Variants in PTPRK observed in about 807,000 individuals in gnomAD.
The protein encoded by PTPRK is protein tyrosine phosphatase receptor type K.
Under a neutral mutation model 178.0 loss-of-function variants are expected in PTPRK, and 75 were observed. That is an observed-to-expected ratio of 0.42 (90% CI 0.35 to 0.51). PTPRK has a LOEUF of 0.51. Ranked by LOEUF, PTPRK falls within the 20% of genes least tolerant of loss-of-function variation. The probability of loss-of-function intolerance (pLI) is 0.02; values close to 1 mark genes in which losing one functional copy is unlikely to be tolerated. For synonymous variants in PTPRK, 637 were observed against 620.6 expected (o/e 1.03, Z -0.39); for missense variants, 1,441 against 1,797.8 (o/e 0.80, Z 3.59).
intron 13 of PTPRK, among the ~76,000 whole-genome samples, chr6:128,032,511 A>T (rs1775510915): frequency 6.6e-6 from 1 of 152,218 alleles, no homozygotes; most frequent in South Asian, 2.1e-4. Context: ...AATCCAGGAA[A>T]TTTTAAATCA....
At chr6:128,248,086 AAC>A (rs1342213896) in intron 3 of PTPRK, among the ~76,000 whole-genome samples, 2 of 152,214 alleles carry the variant, frequency 1.3e-5, no homozygotes, top group African/African-American at 4.8e-5. Flanking sequence ...AGGCATCTGT[AAC>A]ACACACAAAG....
chr6:128,022,619 G>C lies in PTPRK; in HGVS notation c.2195-13351C>G, dbSNP rs911433525. Reference sequence around the variant, plus strand: ...ACGGAGTAAAGGAAAAATCTTCATTGATTTTGAAGGGATCGCTGAGGCACC... The same window carrying C: ...ACGGAGTAAAGGAAAAATCTTCATTCATTTTGAAGGGATCGCTGAGGCACC... On this transcript the variant is annotated intron_variant, in intron 13 of 29. Transcript: ENST00000368226. Among the ~76,000 whole-genome samples the C allele has an allele frequency of 4.6e-5, 7 of 152,210 alleles. No individual in the cohort carries two copies. In the East Asian group the frequency reaches 1.2e-3, roughly 25 times the overall value.
chr6:128,158,279 A>G (rs1798221354), intron 7 of PTPRK, among the ~76,000 whole-genome samples: 1 of 151,710 alleles, frequency 6.6e-6, no homozygotes, highest in South Asian at 2.1e-4. Context: ...GGCAGGGGGG[A>G]GTGAAGGCAT....
intron 7 of PTPRK, among the ~76,000 whole-genome samples, chr6:128,169,966 T>C (rs1442831086): frequency 6.6e-6 from 1 of 152,080 alleles, no homozygotes; most frequent in Non-Finnish European, 1.5e-5. Flanking sequence ...AAAATAAATG[T>C]TGAAACGTTA....
chr6:128,437,986 T>C (rs1845814084), intron 1 of PTPRK, among the ~76,000 whole-genome samples: 1 of 152,266 alleles, frequency 6.6e-6, no homozygotes, highest in African/African-American at 2.4e-5. Context: ...CAGTCAGCCC[T>C]GAAGAACCTG....
chr6:128,488,634 G>A (rs1047912244), intron 1 of PTPRK, among the ~76,000 whole-genome samples: 1 of 152,074 alleles, frequency 6.6e-6, no homozygotes, highest in Non-Finnish European at 1.5e-5. Context: ...TGAATATGCT[G>A]GATAATTACA....
intron 1 of PTPRK, among the ~76,000 whole-genome samples, chr6:128,493,366 T>G (rs951277372): frequency 1.3e-5 from 2 of 151,934 alleles, no homozygotes; most frequent in Non-Finnish European, 2.9e-5. Context: ...ATCAAGACCA[T>G]CCTGGCTAAC....
At chr6:128,466,391 T>C (rs1226579401) in intron 1 of PTPRK, among the ~76,000 whole-genome samples, 1 of 152,210 alleles carries the variant, frequency 6.6e-6, no homozygotes, top group Non-Finnish European at 1.5e-5. Context: ...GCAAGAATTG[T>C]CAAAGACGAA....
intron 7 of PTPRK, among the ~76,000 whole-genome samples, chr6:128,091,448 C>T (rs1278105305): frequency 1.3e-5 from 2 of 152,146 alleles, no homozygotes; most frequent in Admixed American, 6.5e-5. Context: ...TGACTGCCCA[C>T]CAGCTAACCA....
intron 6 of PTPRK, among the ~76,000 whole-genome samples, chr6:128,211,488 T>C (rs761829482): frequency 6.6e-6 from 1 of 152,264 alleles, no homozygotes; most frequent in Admixed American, 6.5e-5. Flanking sequence ...TGTGGTACTA[T>C]CATAAACTTT....
At chr6:128,158,189 T>A (rs1442728911) in intron 7 of PTPRK, among the ~76,000 whole-genome samples, 1 of 151,716 alleles carries the variant, frequency 6.6e-6, no homozygotes, top group Non-Finnish European at 1.5e-5. Context: ...AAGTTCTCAC[T>A]CATAGGTGGG....
intron 13 of PTPRK, among the ~76,000 whole-genome samples, chr6:128,055,832 C>T (rs1490500201): frequency 6.6e-6 from 1 of 152,026 alleles, no homozygotes; most frequent in Non-Finnish European, 1.5e-5. Flanking sequence ...AAACTCCTGG[C>T]TTGAAGGGAT....
In PTPRK at chr6:127,985,960, CA is replaced by C; in HGVS notation, c.3097-86del. The C allele has an allele frequency of 3.1e-6, 4 of 1,300,816 alleles. No homozygotes were observed. In the South Asian group the frequency reaches 6.7e-5, roughly 22 times the overall value. The allele number at this position is 1,300,816 out of a possible 1,614,324, so 80.6% of individuals were successfully genotyped here. Reference sequence around the variant, plus strand: ...TTAAACACAATTATGGGTACAGACCCAACTGACAATGATAACAATAAAACCT... The same window carrying C: ...TTAAACACAATTATGGGTACAGACCCACTGACAATGATAACAATAAAACCT... On this transcript the variant is annotated intron_variant, in intron 21 of 29. Transcript: ENST00000368226.
At chr6:128,415,171 AAC>A (rs1842708896) in intron 1 of PTPRK, among the ~76,000 whole-genome samples, 1 of 152,212 alleles carries the variant, frequency 6.6e-6, no homozygotes, top group Non-Finnish European at 1.5e-5. Flanking sequence ...CCTGGCAGAA[AAC>A]ACAGACAGTC....
intron 5 of PTPRK, among the ~76,000 whole-genome samples, chr6:128,232,306 G>A (rs763263025): frequency 6.6e-6 from 1 of 152,166 alleles, no homozygotes. Flanking sequence ...CGTTGCTCAC[G>A]CTTATCTCTG....
intron 3 of PTPRK, among the ~76,000 whole-genome samples, chr6:128,309,591 T>C (rs1317830923): frequency 2.6e-5 from 4 of 152,198 alleles, no homozygotes; most frequent in Non-Finnish European, 4.4e-5. Context: ...CAAAGTCTGT[T>C]ACCTCAGCAG....
intron 7 of PTPRK, among the ~76,000 whole-genome samples, chr6:128,144,930 T>C (rs1796263736): frequency 6.6e-6 from 1 of 152,160 alleles, no homozygotes; most frequent in Admixed American, 6.5e-5. Flanking sequence ...CTCTACCATG[T>C]GACCCAAAAT....
rs1157518014 is a variant in PTPRK at position 128,082,431 on chromosome 6, G to C, written c.1777+6C>G. 6.3e-7 allele frequency: 1 copy of C among 1,589,186 alleles called. No homozygotes were observed. The highest frequency in any genetic ancestry group is 1.3e-5 in the African/African-American group (1 of 74,240). On this transcript the variant is annotated splice_donor_region_variant and intron_variant, in intron 10 of 29. Coordinates refer to ENST00000368226, the MANE Select transcript of PTPRK (RefSeq NM_002844.4). ...AATCCTATTTGTAATTTATTCATTT[G>C]CATACCTGAGATATTGGTGGTGACA...
intron 7 of PTPRK, among the ~76,000 whole-genome samples, chr6:128,118,039 C>A (rs909548949): frequency 6.6e-6 from 1 of 152,152 alleles, no homozygotes; most frequent in African/African-American, 2.4e-5. Flanking sequence ...ACAAACTCAA[C>A]AAGAAGTCGT....
Sources: gnomAD v4.1 joint callset for allele counts (sites outside exome capture counted in the v4.1 genomes callset) on GRCh38, gnomAD v4.1.1 for gene constraint, MANE v1.5 for transcripts, NCBI Gene and HGNC (gene_info 2026-07-23, HGNC 2026-07-21) for gene names.